The following MALRD1 variants were observed in gnomAD, a reference collection of about 807,000 sequenced individuals.
MALRD1 encodes MAM and LDL-receptor class A domain-containing protein 1.
A neutral mutation model predicts 242.1 loss-of-function variants in MALRD1; 247 were observed. The observed-to-expected ratio is 1.02, with a 90% confidence interval of 0.92 to 1.13. The LOEUF (loss-of-function observed/expected upper bound fraction) is 1.13. MALRD1 is among the 50% of genes most tolerant of loss of function. The pLI is 0.00. For missense variants in MALRD1, 2,989 were observed against 2,533.1 expected, an observed-to-expected ratio of 1.18 and a Z score of -3.86; for synonymous variants, 995 against 866.6, an observed-to-expected ratio of 1.15 and a Z score of -2.60.
At chr10:19,130,950 T>A (rs930459774) in intron 8 of MALRD1, among the ~76,000 whole-genome samples, 1 of 152,148 alleles carries the variant, frequency 6.6e-6, no homozygotes, top group Non-Finnish European at 1.5e-5. Context: ...AGAAAAGAAG[T>A]TAATCATAGG....
At chr10:19,291,866 C>A (rs1251133767) in intron 21 of MALRD1, among the ~76,000 whole-genome samples, 1 of 151,894 alleles carries the variant, frequency 6.6e-6, no homozygotes, top group Non-Finnish European at 1.5e-5. Flanking sequence ...GGGTGGATCA[C>A]TTGATGTCAG....
intron 28 of MALRD1, among the ~76,000 whole-genome samples, chr10:19,409,227 C>T (rs768747285): frequency 8.8e-4 from 134 of 152,234 alleles, no homozygotes; most frequent in Middle Eastern, 3.4e-3. Context: ...GATGAGGATT[C>T]CAAAAAGTGA....
chr10:19,413,845 G>T (rs7082707), intron 28 of MALRD1, among the ~76,000 whole-genome samples: 1 of 151,502 alleles, frequency 6.6e-6, no homozygotes, highest in African/African-American at 2.4e-5. Context: ...CAGCCACTTG[G>T]GGGGCTGAGG....
chr10:19,675,992 T>A (rs1248429135), intron 36 of MALRD1, among the ~76,000 whole-genome samples: 3 of 152,062 alleles, frequency 2.0e-5, no homozygotes, highest in African/African-American at 7.2e-5. Context: ...AAAGTAAAGA[T>A]GAGTTAGCAA....
At chr10:19,170,779 A>G (rs1430073697) in intron 13 of MALRD1, among the ~76,000 whole-genome samples, 1 of 152,152 alleles carries the variant, frequency 6.6e-6, no homozygotes, top group African/African-American at 2.4e-5. Context: ...CATTCAACCA[A>G]TTACTTCTAT....
intron 12 of MALRD1, among the ~76,000 whole-genome samples, chr10:19,162,862 T>G (rs1034778348): frequency 1.3e-5 from 2 of 151,988 alleles, no homozygotes. Flanking sequence ...TCAGGTGCAG[T>G]GGCTCACGCC....
At chr10:19,491,182 A>G in intron 29 of MALRD1, 2 of 501,200 alleles carry the variant, frequency 4.0e-6, no homozygotes, top group South Asian at 3.2e-5. Flanking sequence ...GCTGACAATG[A>G]GCAGGATTTG....
chr10:19,074,421 T>G (rs1038579962), intron 2 of MALRD1, among the ~76,000 whole-genome samples: 5 of 152,120 alleles, frequency 3.3e-5, no homozygotes, highest in Non-Finnish European at 7.4e-5. Context: ...AGGTCCTTGA[T>G]GTCTGTGTGT....
intron 31 of MALRD1, among the ~76,000 whole-genome samples, chr10:19,520,250 A>G (rs908685670): frequency 6.6e-6 from 1 of 152,168 alleles, no homozygotes; most frequent in Non-Finnish European, 1.5e-5. Flanking sequence ...GGATTTCTCA[A>G]AACATCCCAA....
intron 31 of MALRD1, among the ~76,000 whole-genome samples, chr10:19,501,034 A>G (rs1564394672): frequency 6.6e-6 from 1 of 152,220 alleles, no homozygotes; most frequent in Non-Finnish European, 1.5e-5. Context: ...GGAGTGTGAC[A>G]GCCAGTAGAT....
chr10:19,462,304 G>A (rs1002821558), intron 29 of MALRD1, among the ~76,000 whole-genome samples: 13 of 152,150 alleles, frequency 8.5e-5, no homozygotes, highest in African/African-American at 3.1e-4. Context: ...ATCATCCTAG[G>A]TTTAATTACC....
chr10:19,165,545 C>G, intron 12 of MALRD1, 92 bp from the exon 13 acceptor site: 2 of 988,466 alleles, frequency 2.0e-6, no homozygotes, highest in Non-Finnish European at 2.6e-6. Context: ...GCAGGCAGAT[C>G]ACCTGAGGTC....
At chr10:19,055,303 A>G (rs1834630116) in intron 1 of MALRD1, among the ~76,000 whole-genome samples, 1 of 152,118 alleles carries the variant, frequency 6.6e-6, no homozygotes, top group Non-Finnish European at 1.5e-5. Flanking sequence ...AATATCAACC[A>G]TTATCAGATG....
At chr10:19,202,281 G>C (rs1322627773) in intron 14 of MALRD1, among the ~76,000 whole-genome samples, 1 of 152,004 alleles carries the variant, frequency 6.6e-6, no homozygotes, top group Admixed American at 6.6e-5. Flanking sequence ...CTCTGATTCT[G>C]ATAAGATTCA....
intron 10 of MALRD1, among the ~76,000 whole-genome samples, chr10:19,145,610 C>T (rs889368563): frequency 3.3e-5 from 5 of 149,862 alleles, no homozygotes; most frequent in African/African-American, 4.9e-5. Flanking sequence ...ACTGAGACTG[C>T]GCCACTGCAC....
chr10:19,473,557 G>A (rs1462631908), intron 29 of MALRD1, among the ~76,000 whole-genome samples: 6 of 152,032 alleles, frequency 3.9e-5, no homozygotes, highest in Admixed American at 3.9e-4. Context: ...TGCCACACAT[G>A]AGTGGAATCA....
chr10:19,473,327 A>G (rs987446866), intron 29 of MALRD1, among the ~76,000 whole-genome samples: 3 of 151,956 alleles, frequency 2.0e-5, no homozygotes, highest in African/African-American at 7.2e-5. Context: ...GGTAAAATAT[A>G]TAGAACATAA....
chr10:19,072,905 C>T (rs1835198520), intron 2 of MALRD1, among the ~76,000 whole-genome samples: 1 of 151,778 alleles, frequency 6.6e-6, no homozygotes, highest in African/African-American at 2.4e-5. Flanking sequence ...CTTTTTTTCA[C>T]TTACCTTCCC....
intron 36 of MALRD1, among the ~76,000 whole-genome samples, chr10:19,618,278 G>C (rs113184827): frequency 6.6e-6 from 1 of 151,990 alleles, no homozygotes; most frequent in Non-Finnish European, 1.5e-5. Context: ...ATTGTGAATA[G>C]TGCTGCAGTG....
Sources: allele counts gnomAD v4.1 joint callset (sites outside exome capture counted in the v4.1 genomes callset), GRCh38; gene constraint gnomAD v4.1.1; transcripts MANE v1.5; gene names NCBI Gene and HGNC (gene_info 2026-07-23, HGNC 2026-07-21).